LINGO2: variants seen among roughly 807,000 people sequenced by gnomAD.
The protein encoded by LINGO2 is leucine-rich repeat and immunoglobulin-like domain-containing nogo receptor-interacting protein 2.
In LINGO2, 14 loss-of-function variants were observed where a neutral mutation model predicts 30.6. The ratio of observed to expected loss-of-function variants is 0.46; its 90% CI spans 0.30 to 0.72. The LOEUF (loss-of-function observed/expected upper bound fraction) is 0.72, where lower values mean the gene tolerates loss of function less well. Among genes scored for constraint, LINGO2 ranks in the 30% least tolerant of loss-of-function variants. The pLI, the probability that LINGO2 is intolerant of heterozygous loss-of-function variation, is 0.07. For missense variants in LINGO2, 729 were observed against 751.7 expected, an observed-to-expected ratio of 0.97 and a Z score of 0.35; for synonymous variants, 317 against 288.5, an observed-to-expected ratio of 1.10 and a Z score of -1.00.
At chr9:28,553,570 C>T (rs1822443035) in intron 1 of LINGO2, among the ~76,000 whole-genome samples, 1 of 152,108 alleles carries the variant, frequency 6.6e-6, no homozygotes, top group African/African-American at 2.4e-5. Context: ...TTGGAAAACA[C>T]TCTGCAGGAT....
chr9:29,192,032 G>T, the LINGO2 span, among the ~76,000 whole-genome samples: 1 of 151,800 alleles, frequency 6.6e-6, no homozygotes, highest in Non-Finnish European at 1.5e-5. Flanking sequence ...TGTTATGTAG[G>T]GGATTACCTA....
chr9:28,465,817 C>T (rs1483337528), intron 2 of LINGO2, among the ~76,000 whole-genome samples: 3 of 152,054 alleles, frequency 2.0e-5, no homozygotes, highest in Admixed American at 6.6e-5. Context: ...GTAGACATTT[C>T]TTAAAATAAG....
chr9:28,291,037 G>A (rs1189605724), intron 4 of LINGO2, among the ~76,000 whole-genome samples: 1 of 152,040 alleles, frequency 6.6e-6, no homozygotes, highest in Non-Finnish European at 1.5e-5. Flanking sequence ...TTATCCACTG[G>A]GATTAGGCTC....
intron 5 of LINGO2, among the ~76,000 whole-genome samples, chr9:28,003,374 G>T (rs558394514): frequency 6.9e-6 from 1 of 145,058 alleles, no homozygotes; most frequent in African/African-American, 2.6e-5. Flanking sequence ...TAGATAGATA[G>T]ATAGATAGAT....
chr9:28,369,660 A>C (rs1820820914), intron 3 of LINGO2, among the ~76,000 whole-genome samples: 1 of 152,202 alleles, frequency 6.6e-6, no homozygotes, highest in Non-Finnish European at 1.5e-5. Flanking sequence ...TACATAATAA[A>C]ATGCTGGAAG....
At chr9:28,989,745 T>C in the LINGO2 span, among the ~76,000 whole-genome samples, 2 of 152,172 alleles carry the variant, frequency 1.3e-5, no homozygotes, top group South Asian at 2.1e-4. Context: ...CAGCTAACTA[T>C]ATATGTTGTT....
At chr9:28,049,585 A>C (rs532250517) in intron 4 of LINGO2, among the ~76,000 whole-genome samples, 1 of 150,736 alleles carries the variant, frequency 6.6e-6, no homozygotes, top group South Asian at 2.1e-4. Flanking sequence ...TTAAGTCTAG[A>C]TTTTACCGCT....
intron 4 of LINGO2, among the ~76,000 whole-genome samples, chr9:28,142,728 T>C (rs1827708415): frequency 6.6e-6 from 1 of 152,216 alleles, no homozygotes; most frequent in South Asian, 2.1e-4. Flanking sequence ...ATCCCAACTC[T>C]TGATGATTCC....
intron 3 of LINGO2, among the ~76,000 whole-genome samples, chr9:28,332,154 G>T (rs1825443503): frequency 6.6e-6 from 1 of 151,922 alleles, no homozygotes; most frequent in Admixed American, 6.6e-5. Context: ...TTATTTTTCA[G>T]AGCAATTTAG....
chr9:28,237,566 C>G (rs1418237893), intron 4 of LINGO2, among the ~76,000 whole-genome samples: 1 of 152,064 alleles, frequency 6.6e-6, no homozygotes, highest in African/African-American at 2.4e-5. Flanking sequence ...AAACTCTTCA[C>G]TCGCCAGGTG....
At chr9:28,399,190 G>A (rs1822166714) in intron 2 of LINGO2, among the ~76,000 whole-genome samples, 1 of 152,128 alleles carries the variant, frequency 6.6e-6, no homozygotes, top group African/African-American at 2.4e-5. Context: ...GCAAATATGA[G>A]GGGCTTGAGA....
chr9:28,831,366 G>A, the LINGO2 span, among the ~76,000 whole-genome samples: 10 of 152,172 alleles, frequency 6.6e-5, no homozygotes, highest in African/African-American at 2.2e-4. Context: ...CAGAAGGAAG[G>A]CCATATGGTA....
At chr9:28,064,725 C>T (rs1230557894) in intron 4 of LINGO2, among the ~76,000 whole-genome samples, 2 of 152,090 alleles carry the variant, frequency 1.3e-5, no homozygotes, top group Non-Finnish European at 2.9e-5. Flanking sequence ...GTAAACAGTT[C>T]CAGGCCCTGA....
In LINGO2 at chr9:28,254,317, G is replaced by A. The variant is rs552957197; in HGVS notation, c.-87+40891C>T. Among the ~76,000 whole-genome samples the A allele has an allele frequency of 2.6e-5, 4 of 152,068 alleles. No homozygotes were observed. In the East Asian group the frequency reaches 5.8e-4, roughly 22 times the overall value. ...TATTTAATGCTATTTCCACTGTATT[G>A]TTGGAATATAGCAATGAAATGGTAT... On this transcript the variant is annotated intron_variant, in intron 4 of 5. Transcript: ENST00000379992.
intron 4 of LINGO2, among the ~76,000 whole-genome samples, chr9:28,226,633 A>C (rs1184932345): frequency 3.0e-5 from 3 of 98,766 alleles, no homozygotes; most frequent in Non-Finnish European, 6.1e-5. Flanking sequence ...GAAGGAAAGA[A>C]GGAAAGAAGG....
chr9:28,888,058 T>C, the LINGO2 span, among the ~76,000 whole-genome samples: 6 of 152,150 alleles, frequency 3.9e-5, no homozygotes, highest in Non-Finnish European at 8.8e-5. Flanking sequence ...CTAATTATTA[T>C]AGAATATTTA....
chr9:28,768,655 G>C, the LINGO2 span, among the ~76,000 whole-genome samples: 9 of 113,486 alleles, frequency 7.9e-5, no homozygotes, highest in South Asian at 3.1e-4. Flanking sequence ...CACACACACA[G>C]TCTCTCCCTC....
chr9:27,945,317 A>G (rs1225006494), downstream of LINGO2, among the ~76,000 whole-genome samples: 1 of 152,208 alleles, frequency 6.6e-6, no homozygotes, highest in Non-Finnish European at 1.5e-5. Flanking sequence ...TGACATTTAA[A>G]TAATCATTTT....
chr9:27,972,838 A>G (rs532944546), intron 5 of LINGO2, among the ~76,000 whole-genome samples: 1 of 152,308 alleles, frequency 6.6e-6, no homozygotes, highest in African/African-American at 2.4e-5. Flanking sequence ...TTAAACATCT[A>G]AGAGATGCCA....
Sources: gnomAD v4.1 joint callset for allele counts (sites outside exome capture counted in the v4.1 genomes callset) on GRCh38, gnomAD v4.1.1 for gene constraint, MANE v1.5 for transcripts, NCBI Gene and HGNC (gene_info 2026-07-23, HGNC 2026-07-21) for gene names.